CDH8: variants seen among roughly 807,000 people sequenced by gnomAD.
CDH8 encodes cadherin 8.
A neutral mutation model predicts 68.1 loss-of-function variants in CDH8; 17 were observed. The ratio of observed to expected loss-of-function variants is 0.25; its 90% CI spans 0.17 to 0.37. The LOEUF (loss-of-function observed/expected upper bound fraction) is 0.37. Among genes scored for constraint, CDH8 ranks in the 10% least tolerant of loss-of-function variants. The probability of loss-of-function intolerance (pLI) is 1.00; values close to 1 mark genes in which losing one functional copy is unlikely to be tolerated. For synonymous variants in CDH8, 372 were observed against 365.1 expected, an observed-to-expected ratio of 1.02 and a Z score of -0.21; for missense variants, 763 against 999.3, an observed-to-expected ratio of 0.76 and a Z score of 3.19.
At position 61,789,396 on chromosome 16, in the gene CDH8, T is replaced by C; in HGVS notation, c.1364A>G (p.Asp455Gly). The C allele has an allele frequency of 6.2e-7, 1 of 1,613,086 alleles. No individual in the cohort carries two copies. Among genetic ancestry groups the C allele is most frequent in the South Asian group, 1.1e-5 (1 of 91,056 alleles). The change falls in exon 8 of 12, where the codon GAC (aspartate) becomes GGC (glycine). Residue 455 changes from aspartate to glycine, a missense_variant. Physicochemically the swap from Asp to Gly is moderately conservative, Grantham distance 94. This residue lies in a region of CDH8 where 397 missense variants were observed against 436.2 expected (regional missense o/e 0.91). Transcript: ENST00000577390. ...DGKITLATPL[D>G]RELSVWHNIT... The stretch of plus-strand genomic sequence containing the variant: ...GTTGTGCCATACACTTAATTCTCTG[T>C]CAAGTGGTGTTGCCAGCGTTATCTT...
At chr16:61,845,933 C>A (rs1200413005) in intron 4 of CDH8, among the ~76,000 whole-genome samples, 2 of 151,940 alleles carry the variant, frequency 1.3e-5, no homozygotes, top group Non-Finnish European at 1.5e-5. Context: ...CATTTTATAA[C>A]CATGCAATTT....
chr16:61,996,797 T>C lies in CDH8; in HGVS notation c.252+24355A>G, dbSNP rs1965810726. Among the ~76,000 whole-genome samples, 3 of 152,116 alleles carry C rather than the reference T, an allele frequency of 2.0e-5. No homozygotes were observed. The South Asian group carries it at 6.2e-4, about 32-fold the overall frequency. On this transcript the variant is annotated intron_variant, in intron 2 of 11. Transcript: ENST00000577390. ...GGACTTGCTACATTGCCAAAGCTGG[T>C]CTCGAACTCCCGGGCTCAAGCAATA...
At chr16:61,876,238 T>G (rs1457847901) in intron 3 of CDH8, among the ~76,000 whole-genome samples, 1 of 152,192 alleles carries the variant, frequency 6.6e-6, no homozygotes, top group Non-Finnish European at 1.5e-5. Flanking sequence ...TTCATGCTAA[T>G]TGTACTTTTT....
chr16:61,832,367 G>C (rs573370369), intron 4 of CDH8, among the ~76,000 whole-genome samples: 28 of 151,536 alleles, frequency 1.8e-4, no homozygotes, highest in South Asian at 4.1e-4. Context: ...TAGATAGATA[G>C]ATAGATAGAT....
At chr16:61,999,005 A>G (rs16964151) in intron 2 of CDH8, among the ~76,000 whole-genome samples, 1 of 152,138 alleles carries the variant, frequency 6.6e-6, no homozygotes, top group Non-Finnish European at 1.5e-5. Flanking sequence ...GTTAAGTACA[A>G]GAGTCTCATT....
chr16:61,960,771 G>A (rs1007293175), intron 2 of CDH8, among the ~76,000 whole-genome samples: 4 of 151,584 alleles, frequency 2.6e-5, no homozygotes, highest in Non-Finnish European at 5.9e-5. Flanking sequence ...CTGGATCTTC[G>A]TGGGCAAACT....
chr16:61,857,174 C>T lies in CDH8; in HGVS notation c.612G>A (p.Lys204=). 1 of 1,613,566 alleles carries T rather than the reference C, an allele frequency of 6.2e-7. No individual in the cohort carries two copies. The highest frequency in any genetic ancestry group is 8.5e-7 in the Non-Finnish European group (1 of 1,179,608). Residue 204 remains lysine (K), a synonymous_variant, in exon 4 of 12, where the codon AAG becomes AAA. Coordinates refer to ENST00000577390, the MANE Select transcript of CDH8 (RefSeq NM_001796.5). The stretch of plus-strand genomic sequence containing the variant: ...GCCCTTCCAATATACTATAAACCAA[C>T]TTTGCACTGTTTCCATAAACTGGGT... ...ADDPVYGNSA[K]LVYSILEGQP...
rs886756278 is a variant in CDH8 at position 61,893,400 on chromosome 16, ATGTG to A, written c.547+7775_547+7778del. The stretch of plus-strand genomic sequence containing the variant: ...ACGCTATCCAACCCAGTACAGGTAG[ATGTG>A]TGTGTGTGTGAGTGTGTGTGTGTGT... On this transcript the variant is annotated intron_variant, in intron 3 of 11. Coordinates refer to ENST00000577390, the MANE Select transcript of CDH8 (RefSeq NM_001796.5). Among the ~76,000 whole-genome samples the A allele has an allele frequency of 5.3e-4, 78 of 147,746 alleles. 1 individual carries two copies. The highest frequency in any genetic ancestry group is 4.2e-3 in the Admixed American group (63 of 14,852).
intron 8 of CDH8, among the ~76,000 whole-genome samples, chr16:61,782,179 G>C (rs531706010): frequency 1.3e-5 from 2 of 152,156 alleles, no homozygotes; most frequent in African/African-American, 4.8e-5. Context: ...CTGAGGTACC[G>C]GGTTCATCTC....
chr16:61,768,589 G>C (rs1293336405), intron 8 of CDH8, among the ~76,000 whole-genome samples: 1 of 151,410 alleles, frequency 6.6e-6, no homozygotes, highest in Non-Finnish European at 1.5e-5. Context: ...AACCTTATTT[G>C]GTGAGACCCT....
chr16:61,903,949 CT>C (rs755617405), intron 2 of CDH8, among the ~76,000 whole-genome samples: 4,106 of 128,658 alleles, frequency 0.032, 171 homozygotes, highest in African/African-American at 0.12. Flanking sequence ...ATATACAGCA[CT>C]TTTTAAAAAA....
chr16:62,005,260 CA>C (rs1965955755), intron 2 of CDH8, among the ~76,000 whole-genome samples: 1 of 152,202 alleles, frequency 6.6e-6, no homozygotes, highest in Non-Finnish European at 1.5e-5. Flanking sequence ...AAGACAGCTG[CA>C]AAAGCCTTCC....
intron 8 of CDH8, among the ~76,000 whole-genome samples, chr16:61,739,036 C>G (rs1959787078): frequency 6.6e-6 from 1 of 152,086 alleles, no homozygotes; most frequent in Non-Finnish European, 1.5e-5. Context: ...TTTATTGCTT[C>G]TCATGTCCCT....
chr16:61,776,377 CA>C (rs1960899773), intron 8 of CDH8, among the ~76,000 whole-genome samples: 1 of 152,064 alleles, frequency 6.6e-6, no homozygotes, highest in Non-Finnish European at 1.5e-5. Flanking sequence ...TACTATAACT[CA>C]ACAGCTTATG....
At chr16:61,682,799 G>A (rs16963811) in intron 10 of CDH8, among the ~76,000 whole-genome samples, 23,976 of 151,912 alleles carry the variant, frequency 0.16, 2,052 homozygotes, top group African/African-American at 0.21. Context: ...GTGCAGGCTG[G>A]AATCAGCAGT....
chr16:61,768,386 C>T (rs5010223), intron 8 of CDH8, among the ~76,000 whole-genome samples: 2 of 86,802 alleles, frequency 2.3e-5, no homozygotes, highest in Non-Finnish European at 4.6e-5. Flanking sequence ...CTCTCTCTCT[C>T]TCTCTCTCCC....
At chr16:61,945,920 A>C (rs1964794773) in intron 2 of CDH8, among the ~76,000 whole-genome samples, 1 of 152,184 alleles carries the variant, frequency 6.6e-6, no homozygotes, top group African/African-American at 2.4e-5. Flanking sequence ...CTGTAGAATG[A>C]ATGGCTGTAA....
chr16:61,860,918 T>A lies in CDH8; in HGVS notation c.548-3680A>T, dbSNP rs375919231. ...AGTATGGGGTTAACAGTTTTGAACATAAAATAGTTCTGACGTCTTCTGAAA... is the reference window on the plus strand; with the variant it reads ...AGTATGGGGTTAACAGTTTTGAACAAAAAATAGTTCTGACGTCTTCTGAAA... On this transcript the variant is annotated intron_variant, in intron 3 of 11. Transcript: ENST00000577390. Among the ~76,000 whole-genome samples, 12 of 152,324 alleles carry A rather than the reference T, an allele frequency of 7.9e-5. No individual in the cohort carries two copies. The East Asian group carries it at 1.7e-3, about 22-fold the overall frequency.
intron 2 of CDH8, among the ~76,000 whole-genome samples, chr16:61,920,375 G>A (rs1281282617): frequency 6.9e-6 from 1 of 145,318 alleles, no homozygotes; most frequent in African/African-American, 2.6e-5. Flanking sequence ...GCTAATATCC[G>A]GAATCTACAA....
Sources: gnomAD v4.1 joint callset for allele counts (sites outside exome capture counted in the v4.1 genomes callset) on GRCh38, gnomAD v4.1.1 for gene constraint, gnomAD v4.1.1 regional missense constraint, MANE v1.5 for transcripts, NCBI Gene and HGNC (gene_info 2026-07-23, HGNC 2026-07-21) for gene names.